Variants in SNORC observed in about 807,000 individuals in gnomAD.
The protein encoded by SNORC is secondary ossification center associated regulator of chondrocyte maturation, also known as protein SNORC.
SNORC carries 11 observed loss-of-function variants against 9.7 expected under a neutral mutation model. The ratio of observed to expected loss-of-function variants is 1.14; its 90% CI spans 0.72 to 1.88. The LOEUF is 1.88. Ranked by LOEUF, SNORC falls within the 40% of genes most tolerant of loss-of-function variation. The pLI, the probability that SNORC is intolerant of heterozygous loss-of-function variation, is 0.00. For missense variants in SNORC, 197 were observed against 173.1 expected, an observed-to-expected ratio of 1.14 and a Z score of -0.77; for synonymous variants, 108 against 88.7, an observed-to-expected ratio of 1.22 and a Z score of -1.22.
upstream of SNORC, chr2:232,870,193 G>A (rs1690968450): frequency 2.9e-6 from 2 of 697,856 alleles, no homozygotes; most frequent in Admixed American, 2.1e-5. Flanking sequence ...GGGGGGGTGG[G>A]GAGGTGCGGG....
chr2:232,877,150 T>G (rs963304121), downstream of SNORC: 56 of 984,542 alleles, frequency 5.7e-5, no homozygotes, highest in Admixed American at 6.2e-4. Context: ...GAGTCGAGAG[T>G]CGACGCCGGA....
intron 1 of SNORC, among the ~76,000 whole-genome samples, chr2:232,872,543 C>T (rs926645131): frequency 6.6e-6 from 1 of 152,238 alleles, no homozygotes; most frequent in Non-Finnish European, 1.5e-5. Flanking sequence ...GTAGCCACAC[C>T]ACATGGCTAA....
At chr2:232,870,836 T>C (rs767574125) in intron 1 of SNORC, among the ~76,000 whole-genome samples, 1 of 152,184 alleles carries the variant, frequency 6.6e-6, no homozygotes, top group Non-Finnish European at 1.5e-5. Context: ...TGCTGGTTTC[T>C]GCGACGTCCT....
chr2:232,875,483 G>A (rs1051467617), intron 1 of SNORC: 8 of 428,818 alleles, frequency 1.9e-5, no homozygotes, highest in African/African-American at 1.0e-4. Context: ...GGGGCATCCT[G>A]TCTGGTTGCC....
intron 1 of SNORC, among the ~76,000 whole-genome samples, chr2:232,872,544 A>G (rs1691067209): frequency 1.3e-5 from 2 of 152,200 alleles, no homozygotes; most frequent in African/African-American, 2.4e-5. Context: ...TAGCCACACC[A>G]CATGGCTAAT....
chr2:232,877,755 A>G (rs1691331932), downstream of SNORC: 1 of 152,238 alleles, frequency 6.6e-6, no homozygotes, highest in South Asian at 2.1e-4. Flanking sequence ...TCCCCAAAAT[A>G]CACTGTGAGT....
chr2:232,877,304 G>T, downstream of SNORC: 1 of 985,478 alleles, frequency 1.0e-6, no homozygotes, highest in Non-Finnish European at 1.2e-6. Context: ...AGTCGGGGCG[G>T]AGTGAGGGTG....
downstream of SNORC, chr2:232,877,060 C>G (rs1691286660): frequency 2.0e-6 from 2 of 985,740 alleles, no homozygotes; most frequent in Admixed American, 1.2e-4. Context: ...GACTCTGAGT[C>G]CTGCAGCCAG....
At chr2:232,876,865 G>C, downstream of SNORC, 1 of 985,534 alleles carries the variant, frequency 1.0e-6, no homozygotes, top group Non-Finnish European at 1.2e-6. This position sits in a 1 kb window ranked among gnomAD's most constrained non-coding sequence, Gnocchi z 6.8. Flanking sequence ...CCCTCGCCGC[G>C]CTCCCCGGGG....
In SNORC at chr2:232,875,939, G is replaced by A. The variant is rs1691213366; in HGVS notation, c.74-1G>A. ...CCCAGCACCTCTCCTTGGCTTTGCA[G>A]ACGATGTTCCACAGGAGCCCGTGCC... On this transcript the variant is annotated splice_acceptor_variant, in intron 1 of 2. Coordinates refer to ENST00000331342, the Ensembl canonical transcript of SNORC. LOFTEE classifies it high-confidence loss of function. The A allele has an allele frequency of 6.4e-7, 1 of 1,550,608 alleles. No homozygotes were observed. The highest frequency in any genetic ancestry group is 8.7e-7 in the Non-Finnish European group (1 of 1,149,220).
chr2:232,876,676 T>G, downstream of SNORC: 1 of 1,000,380 alleles, frequency 1.0e-6, no homozygotes, highest in Non-Finnish European at 1.2e-6. The surrounding 1 kb of genome is among the most constrained non-coding windows in gnomAD (Gnocchi z 6.8). Context: ...ACGGCTGGAG[T>G]GCCTCAGGAG....
intron 1 of SNORC, chr2:232,875,372 G>T: frequency 4.1e-6 from 1 of 242,998 alleles, no homozygotes; most frequent in Non-Finnish European, 9.3e-6. Flanking sequence ...TAGGACATGG[G>T]CAGGCCTGCC....
chr2:232,876,164 G>GGAGGGGCGGGGGGC lies in SNORC; in HGVS notation c.256+44_256+57dup. On this transcript the variant is annotated intron_variant, in intron 2 of 2. Coordinates refer to ENST00000331342, the Ensembl canonical transcript of SNORC. The surrounding 1 kb of genome is among the most constrained non-coding windows in gnomAD (Gnocchi z 6.8). Reference sequence around the variant, plus strand: ...GGAGGGAGGGGAGAGGGAGAAATTAGGAGGGGCGGGGGGCGGGGGGCGCGG... The same window carrying GGAGGGGCGGGGGGC: ...GGAGGGAGGGGAGAGGGAGAAATTAGGAGGGGCGGGGGGCGAGGGGCGGGGGGCGGGGGGCGCGG... 7.9e-7 allele frequency: 1 copy of GGAGGGGCGGGGGGC among 1,260,176 alleles called. No individual in the cohort carries two copies. The allele number at this position is 1,260,176 out of a possible 1,614,324, so 78.1% of individuals were successfully genotyped here. A position where few individuals can be genotyped will look rare whatever the true frequency, so the allele number is the denominator to read the frequency against.
downstream of SNORC, chr2:232,877,800 C>T (rs1452277135): frequency 6.6e-6 from 1 of 152,280 alleles, no homozygotes; most frequent in Non-Finnish European, 1.5e-5. Flanking sequence ...TGCTATGAAA[C>T]TGACCTATTT....
At chr2:232,873,163 G>A (rs1691095565) in intron 1 of SNORC, among the ~76,000 whole-genome samples, 1 of 152,220 alleles carries the variant, frequency 6.6e-6, no homozygotes, top group Non-Finnish European at 1.5e-5. Flanking sequence ...TTACCTCCTT[G>A]TGCAAGATGC....
At chr2:232,870,077 G>A (rs1335584564), upstream of SNORC, among the ~76,000 whole-genome samples, 1 of 150,822 alleles carries the variant, frequency 6.6e-6, no homozygotes, top group Non-Finnish European at 1.5e-5. Context: ...AAGAGAGAGA[G>A]CACAGGCAAT....
chr2:232,869,511 A>C (rs1690946198), upstream of SNORC: 1 of 152,308 alleles, frequency 6.6e-6, no homozygotes, highest in African/African-American at 2.4e-5. Flanking sequence ...CTGGGATTCC[A>C]CTGACTGAGT....
At chr2:232,875,253 C>A (rs563182156) in intron 1 of SNORC, among the ~76,000 whole-genome samples, 1 of 152,190 alleles carries the variant, frequency 6.6e-6, no homozygotes, top group Admixed American at 6.5e-5. Context: ...GCAGGAGAAT[C>A]GCTTGCTTGA....
upstream of SNORC, among the ~76,000 whole-genome samples, chr2:232,868,440 C>T (rs1468539634): frequency 6.6e-6 from 1 of 152,016 alleles, no homozygotes; most frequent in African/African-American, 2.4e-5. Flanking sequence ...TGGCGTCCAC[C>T]CGGCCTCTGC....
Sources: gnomAD v4.1 joint callset for allele counts (sites outside exome capture counted in the v4.1 genomes callset) on GRCh38, gnomAD v4.1.1 for gene constraint, Gnocchi (gnomAD v3.1) non-coding constraint, MANE v1.5 for transcripts, NCBI Gene and HGNC (gene_info 2026-07-23, HGNC 2026-07-21) for gene names.